ADAMTS6: variants seen among roughly 807,000 people sequenced by gnomAD.
ADAMTS6 encodes the protein ADAM metallopeptidase with thrombospondin type 1 motif 6.
ADAMTS6 carries 23 observed loss-of-function variants against 144.3 expected under a neutral mutation model. The observed-to-expected ratio is 0.16, with a 90% confidence interval of 0.11 to 0.23. The LOEUF is 0.23. Among genes scored for constraint, ADAMTS6 ranks in the 10% least tolerant of loss-of-function variants. The pLI is 1.00. For missense variants in ADAMTS6, 999 were observed against 1,379.6 expected (o/e 0.72, Z 4.37); for synonymous variants, 444 against 457.5 (o/e 0.97, Z 0.38).
chr5:65,328,163 TAA>T (rs1328446766), intron 9 of ADAMTS6, among the ~76,000 whole-genome samples: 1 of 152,120 alleles, frequency 6.6e-6, no homozygotes, highest in Non-Finnish European at 1.5e-5. Context: ...AATTTACACC[TAA>T]ATCATATCAA....
intron 14 of ADAMTS6, among the ~76,000 whole-genome samples, chr5:65,259,826 C>G (rs1025964136): frequency 2.0e-5 from 3 of 151,872 alleles, no homozygotes; most frequent in African/African-American, 4.8e-5. Flanking sequence ...ATAAAATCAC[C>G]AAGAATTAAG....
At chr5:65,229,169 C>T (rs1757948003) in intron 15 of ADAMTS6, among the ~76,000 whole-genome samples, 1 of 152,198 alleles carries the variant, frequency 6.6e-6, no homozygotes, top group African/African-American at 2.4e-5. Context: ...AGGCAGCTCT[C>T]AGCACCTGGT....
intron 11 of ADAMTS6, among the ~76,000 whole-genome samples, chr5:65,288,483 C>A (rs1460532187): frequency 6.6e-6 from 1 of 151,950 alleles, no homozygotes; most frequent in African/African-American, 2.4e-5. Flanking sequence ...CCACGCCCAG[C>A]TAATTTTTGT....
intron 7 of ADAMTS6, among the ~76,000 whole-genome samples, chr5:65,423,089 T>C (rs1249719096): frequency 1.3e-5 from 2 of 152,192 alleles, no homozygotes; most frequent in African/African-American, 4.8e-5. Flanking sequence ...ATACTGTATG[T>C]TCTGAATTAT....
At chr5:65,307,713 G>A (rs1744069164) in intron 9 of ADAMTS6, among the ~76,000 whole-genome samples, 1 of 152,158 alleles carries the variant, frequency 6.6e-6, no homozygotes, top group South Asian at 2.1e-4. Flanking sequence ...TTAAAATATG[G>A]CATGTTGTCG....
intron 7 of ADAMTS6, among the ~76,000 whole-genome samples, chr5:65,427,464 C>T (rs1319387866): frequency 6.6e-6 from 1 of 151,976 alleles, no homozygotes; most frequent in African/African-American, 2.4e-5. Context: ...ATTTGGTATA[C>T]AGATAAACTA....
chr5:65,407,444 C>T (rs1454081349), intron 7 of ADAMTS6, among the ~76,000 whole-genome samples: 31 of 150,732 alleles, frequency 2.1e-4, no homozygotes, highest in African/African-American at 5.1e-4. Flanking sequence ...CCCATTAACT[C>T]GTCATTTAGC....
chr5:65,193,310 A>G (rs1429526941), intron 21 of ADAMTS6, among the ~76,000 whole-genome samples: 48 of 152,010 alleles, frequency 3.2e-4, no homozygotes, highest in Non-Finnish European at 5.9e-5. Flanking sequence ...TTCAGAACAC[A>G]GATAAAAGAG....
chr5:65,338,267 T>C (rs77224100), intron 7 of ADAMTS6, among the ~76,000 whole-genome samples: 2 of 152,376 alleles, frequency 1.3e-5, no homozygotes, highest in African/African-American at 4.8e-5. Context: ...TAAAGCCCAG[T>C]ACTTTAGGGA....
intron 11 of ADAMTS6, among the ~76,000 whole-genome samples, chr5:65,284,985 T>C (rs745986988): frequency 6.6e-6 from 1 of 152,114 alleles, no homozygotes; most frequent in Non-Finnish European, 1.5e-5. Flanking sequence ...AGGACATTGC[T>C]ACACTGGAGA....
At chr5:65,370,415 C>T (rs560627072) in intron 7 of ADAMTS6, among the ~76,000 whole-genome samples, 37 of 152,260 alleles carry the variant, frequency 2.4e-4, no homozygotes, top group African/African-American at 7.9e-4. Context: ...TCAGTGGGTG[C>T]GCGCACCATG....
At chr5:65,438,806 A>G (rs1757649334) in intron 7 of ADAMTS6, among the ~76,000 whole-genome samples, 1 of 152,230 alleles carries the variant, frequency 6.6e-6, no homozygotes, top group Non-Finnish European at 1.5e-5. Context: ...ATATATTTGA[A>G]AAGATTTTAT....
At chr5:65,365,365 G>C (rs1395613848) in intron 7 of ADAMTS6, among the ~76,000 whole-genome samples, 1 of 152,154 alleles carries the variant, frequency 6.6e-6, no homozygotes, top group Non-Finnish European at 1.5e-5. Context: ...AACTGAACAG[G>C]CTGGGCACAG....
intron 1 of ADAMTS6, among the ~76,000 whole-genome samples, chr5:65,476,372 T>C (rs1313857297): frequency 6.6e-6 from 1 of 152,202 alleles, no homozygotes; most frequent in Non-Finnish European, 1.5e-5. Flanking sequence ...ATGTGTATTG[T>C]TTTAACTCAC....
intron 12 of ADAMTS6, among the ~76,000 whole-genome samples, chr5:65,273,095 A>T (rs1369030919): frequency 6.6e-6 from 1 of 152,198 alleles, no homozygotes; most frequent in Non-Finnish European, 1.5e-5. Context: ...TTTTGGTACA[A>T]ATATAACATA....
At chr5:65,377,365 A>G (rs912651586) in intron 7 of ADAMTS6, among the ~76,000 whole-genome samples, 1 of 152,124 alleles carries the variant, frequency 6.6e-6, no homozygotes, top group Non-Finnish European at 1.5e-5. Context: ...CTGACATCTG[A>G]TATTCTTGAA....
rs147039265 is a variant in ADAMTS6, at chr5:65,294,212, T to C, written c.1371-2742A>G. ...TATTTGAGGGATGGGATAGTTTTCC[T>C]GTTTTAATTCTTTTGTTTTTGTTTT... On this transcript the variant is annotated intron_variant, in intron 10 of 24. Transcript: ENST00000381055. 3.0e-3 allele frequency among the ~76,000 whole-genome samples: 457 copies of C among 152,332 alleles called. 1 individual carries two copies. Among genetic ancestry groups the C allele is most frequent in the African/African-American group, 0.011 (447 of 41,574 alleles).
intron 21 of ADAMTS6, among the ~76,000 whole-genome samples, chr5:65,196,522 CAAAAAAAAAAAA>C (rs533444182): frequency 2.9e-4 from 11 of 38,034 alleles, no homozygotes; most frequent in African/African-American, 7.8e-4. Context: ...GACTCCGTCT[CAAAAAAAAAAAA>C]AAAAAAAAAA....
chr5:65,465,285 A>C (rs1364962726), intron 3 of ADAMTS6, among the ~76,000 whole-genome samples: 3 of 152,118 alleles, frequency 2.0e-5, no homozygotes, highest in Non-Finnish European at 4.4e-5. Context: ...AATTCCTACA[A>C]TCACAAATAC....
Sources: allele counts gnomAD v4.1 joint callset (sites outside exome capture counted in the v4.1 genomes callset), GRCh38; gene constraint gnomAD v4.1.1; transcripts MANE v1.5; gene names NCBI Gene and HGNC (gene_info 2026-07-23, HGNC 2026-07-21).